The following BCL7B variants were observed in gnomAD, a reference collection of about 807,000 sequenced individuals.
BCL7B encodes the protein BAF chromatin remodeling complex subunit BCL7B.
In BCL7B, 11 loss-of-function variants were observed where a neutral mutation model predicts 26.5. The observed-to-expected ratio is 0.42, with a 90% CI of 0.26 to 0.69. The LOEUF (loss-of-function observed/expected upper bound fraction) is 0.69, where lower values mean the gene tolerates loss of function less well. Among genes scored for constraint, BCL7B ranks in the 30% least tolerant of loss-of-function variants. The probability of loss-of-function intolerance (pLI) is 0.28; values close to 1 mark genes in which losing one functional copy is unlikely to be tolerated. For missense variants in BCL7B, 215 were observed against 264.4 expected (o/e 0.81, Z 1.30); for synonymous variants, 111 against 107.9 (o/e 1.03, Z -0.18).
At chr7:73,551,741 C>CTTG (rs1792179776) in intron 2 of BCL7B, among the ~76,000 whole-genome samples, 1 of 152,080 alleles carries the variant, frequency 6.6e-6, no homozygotes, top group African/African-American at 2.4e-5. Context: ...TTGCATGGAC[C>CTTG]AATAACAGGG....
chr7:73,545,975 C>G (rs1554583437), intron 2 of BCL7B, among the ~76,000 whole-genome samples: 2 of 151,666 alleles, frequency 1.3e-5, no homozygotes, highest in Non-Finnish European at 2.9e-5. Flanking sequence ...ACTAAAAATA[C>G]AAAAAAATTA....
At chr7:73,541,135 A>C (rs1385051352) in intron 3 of BCL7B, among the ~76,000 whole-genome samples, 4 of 152,144 alleles carry the variant, frequency 2.6e-5, no homozygotes, top group Admixed American at 2.6e-4. Context: ...TGACATGGCG[A>C]GACTCCGTCT....
At chr7:73,550,286 C>T (rs1792108487) in intron 2 of BCL7B, among the ~76,000 whole-genome samples, 1 of 152,122 alleles carries the variant, frequency 6.6e-6, no homozygotes, top group South Asian at 2.1e-4. Flanking sequence ...TGGTTCATGC[C>T]TGTCATCCCA....
Position 73,538,029 on chromosome 7 carries a change from G to A in BCL7B, c.437-16C>T, listed in dbSNP as rs372746902. 3 of 1,576,952 alleles carry A rather than the reference G, an allele frequency of 1.9e-6. No homozygotes were observed. Among genetic ancestry groups the A allele is most frequent in the African/African-American group, 1.4e-5 (1 of 73,170 alleles). On this transcript the variant is annotated splice_polypyrimidine_tract_variant and intron_variant, in intron 4 of 5. Coordinates refer to ENST00000223368, the MANE Select transcript of BCL7B (RefSeq NM_001707.4). ...AGGGAGGGCTCTGAAAAGGCAGTAG[G>A]GTCGGCCTGAGGGCAGGGCTCCCCT...
chr7:73,538,114 G>A (rs1791613040), intron 4 of BCL7B, 101 bp from the exon 5 acceptor site: 3 of 644,192 alleles, frequency 4.7e-6, no homozygotes, highest in Non-Finnish European at 7.9e-6. Flanking sequence ...GTGAGGAGGG[G>A]AGAATACTGG....
intron 3 of BCL7B, among the ~76,000 whole-genome samples, chr7:73,540,753 C>A (rs1180503028): frequency 7.5e-6 from 1 of 132,680 alleles, no homozygotes; most frequent in Admixed American, 9.4e-5. Flanking sequence ...TGGCATGAAC[C>A]TAGAAGGCAG....
At chr7:73,553,314 T>C (rs1394059394) in intron 1 of BCL7B, among the ~76,000 whole-genome samples, 2 of 151,060 alleles carry the variant, frequency 1.3e-5, no homozygotes, top group Non-Finnish European at 3.0e-5. Flanking sequence ...TGCTGGGGGG[T>C]ATGGCCTGGT....
chr7:73,537,013 G>A lies in BCL7B; in HGVS notation c.*285C>T. ...GTCCAGAGATTCTGGAGCAGAGACT[G>A]CTGCCTGGAGGTCACAGATGAATCT... On this transcript the variant is annotated 3_prime_UTR_variant, in exon 6 of 6. Transcript: ENST00000223368. 1 of 335,514 alleles carries A rather than the reference G, an allele frequency of 3.0e-6. No individual in the cohort carries two copies. Among genetic ancestry groups the A allele is most frequent in the Non-Finnish European group, 5.6e-6 (1 of 178,898 alleles). The allele number at this position is 335,514 out of a possible 1,614,324, so 20.8% of individuals were successfully genotyped here.
At chr7:73,555,103 GTTAA>G (rs1289381132) in intron 1 of BCL7B, among the ~76,000 whole-genome samples, 6 of 151,812 alleles carry the variant, frequency 4.0e-5, no homozygotes, top group Non-Finnish European at 7.4e-5. Context: ...ATTTTTGTAG[GTTAA>G]TTAGTCAAAT....
At chr7:73,547,740 C>A (rs1792006699) in intron 2 of BCL7B, among the ~76,000 whole-genome samples, 1 of 152,116 alleles carries the variant, frequency 6.6e-6, no homozygotes, top group African/African-American at 2.4e-5. Context: ...AGAAAGTTTT[C>A]CCCACAGAAG....
chr7:73,537,542 G>C (rs1356346881), intron 5 of BCL7B, 152 bp from the exon 6 acceptor site: 1 of 627,310 alleles, frequency 1.6e-6, no homozygotes, highest in African/African-American at 1.8e-5. Context: ...CATTTCCGGC[G>C]CTGCAGATCC....
intron 2 of BCL7B, among the ~76,000 whole-genome samples, chr7:73,548,350 C>G (rs1554583680): frequency 6.6e-6 from 1 of 151,648 alleles, no homozygotes; most frequent in Non-Finnish European, 1.5e-5. Context: ...ATTGCTTGAA[C>G]CCGGGAGGCA....
intron 2 of BCL7B, among the ~76,000 whole-genome samples, chr7:73,545,205 A>G (rs782214185): frequency 3.9e-5 from 6 of 152,074 alleles, no homozygotes; most frequent in Admixed American, 6.6e-5. Context: ...ATTTTTGTTA[A>G]TAACTCAATT....
At chr7:73,538,815 T>TAAAAAA (rs1159395373) in intron 4 of BCL7B, among the ~76,000 whole-genome samples, 14 of 94,538 alleles carry the variant, frequency 1.5e-4, no homozygotes, top group Admixed American at 2.5e-4. Flanking sequence ...CCTATCTCTT[T>TAAAAAA]AAAAAAAAAA....
rs534801287 is a variant in BCL7B, at chr7:73,544,022, T to G, written c.169-378A>C. On this transcript the variant is annotated intron_variant, in intron 2 of 5. Coordinates refer to ENST00000223368, the MANE Select transcript of BCL7B (RefSeq NM_001707.4). Reference sequence around the variant, plus strand: ...AAAGATTCCTGTTTCAGTAGCAGAGTGGGGAAAAAGTGAGAGAAGAAGGAA... The same window carrying G: ...AAAGATTCCTGTTTCAGTAGCAGAGGGGGGAAAAAGTGAGAGAAGAAGGAA... 27 of 172,380 alleles carry G rather than the reference T, an allele frequency of 1.6e-4. 1 individual carries two copies. The East Asian group carries it at 3.3e-3, about 21-fold the overall frequency. 10.7% of individuals were successfully genotyped at this position (172,380 alleles called of 1,614,324 possible). A position where few individuals can be genotyped will look rare whatever the true frequency, so the allele number is the denominator to read the frequency against.
intron 1 of BCL7B, 107 bp downstream of exon 1, chr7:73,557,380 C>G (rs1283176818): frequency 4.2e-6 from 5 of 1,180,710 alleles, no homozygotes; most frequent in East Asian, 3.6e-5. Context: ...TCCCGCACCC[C>G]CCTCCCCCAG....
At chr7:73,537,526 G>A in intron 5 of BCL7B, 136 bp from the exon 6 acceptor site, 2 of 661,498 alleles carry the variant, frequency 3.0e-6, no homozygotes, top group East Asian at 2.7e-5. Context: ...CTACAACCCT[G>A]GGACTCATTT....
At chr7:73,552,587 C>T (rs1237081850) in intron 1 of BCL7B, among the ~76,000 whole-genome samples, 5 of 151,698 alleles carry the variant, frequency 3.3e-5, no homozygotes, top group Non-Finnish European at 5.9e-5. Context: ...GAGACCATCC[C>T]GGCCAACATG....
intron 3 of BCL7B, among the ~76,000 whole-genome samples, chr7:73,543,301 C>T (rs553301972): frequency 2.0e-5 from 3 of 152,094 alleles, no homozygotes; most frequent in East Asian, 1.9e-4. Flanking sequence ...CTCAGACCCC[C>T]GAGTAGCTGG....
Sources: gnomAD v4.1 joint callset for allele counts (sites outside exome capture counted in the v4.1 genomes callset) on GRCh38, gnomAD v4.1.1 for gene constraint, MANE v1.5 for transcripts, NCBI Gene and HGNC (gene_info 2026-07-23, HGNC 2026-07-21) for gene names.